The following NDRG4 variants were observed in gnomAD, a reference collection of about 807,000 sequenced individuals.
The protein encoded by NDRG4 is protein NDRG4.
NDRG4 carries 38 observed loss-of-function variants against 55.8 expected under a neutral mutation model. That is an observed-to-expected ratio of 0.68 (90% confidence interval 0.53 to 0.89). The LOEUF (loss-of-function observed/expected upper bound fraction) is 0.89. Ranked by LOEUF, NDRG4 falls within the 40% of genes least tolerant of loss-of-function variation. The pLI, the probability that NDRG4 is intolerant of heterozygous loss-of-function variation, is 0.00. For synonymous variants in NDRG4, 190 were observed against 182.7 expected (o/e 1.04, Z -0.32); for missense variants, 455 against 468.6 (o/e 0.97, Z 0.27).
At chr16:58,471,359 C>T (rs906682376) in intron 1 of NDRG4, among the ~76,000 whole-genome samples, 4 of 151,968 alleles carry the variant, frequency 2.6e-5, no homozygotes, top group Non-Finnish European at 5.9e-5. Context: ...AGATCACACT[C>T]AGGCCTCGGC....
At chr16:58,476,510 C>T (rs2033648105) in intron 1 of NDRG4, among the ~76,000 whole-genome samples, 1 of 135,536 alleles carries the variant, frequency 7.4e-6, no homozygotes, top group Non-Finnish European at 1.6e-5. Flanking sequence ...TATGTCCTTT[C>T]TAAGATGCAC....
At chr16:58,485,485 C>A (rs1001886563) in intron 1 of NDRG4, among the ~76,000 whole-genome samples, 1 of 152,086 alleles carries the variant, frequency 6.6e-6, no homozygotes, top group Admixed American at 6.5e-5. Flanking sequence ...TACAGGGATA[C>A]CCCAGGGCTA....
At chr16:58,510,512 C>T (rs930602930) in intron 13 of NDRG4, 133 bp from the exon 14 acceptor site, 2 of 753,082 alleles carry the variant, frequency 2.7e-6, no homozygotes, top group Non-Finnish European at 4.5e-6. Flanking sequence ...GCCCTGCCCC[C>T]AGCCTCTCTG....
chr16:58,469,841 TTTC>T (rs1180516494), intron 1 of NDRG4, among the ~76,000 whole-genome samples: 4 of 152,232 alleles, frequency 2.6e-5, no homozygotes, highest in African/African-American at 9.6e-5. Context: ...TGTGCTATCA[TTTC>T]TTCTTTTTTA....
rs763497105 is a variant in NDRG4, at chr16:58,512,855, G to A, written c.*1279G>A. ...AATCAATAATCACAAACCCCAAAAC[G>A]GGAGAGAGCAGTGAAAACATGCAGG... On this transcript the variant is annotated 3_prime_UTR_variant, in exon 15 of 15. Transcript: ENST00000570248. 6.5e-6 allele frequency: 1 copy of A among 152,776 alleles called. No homozygotes were observed. The highest frequency in any genetic ancestry group is 2.4e-5 in the African/African-American group (1 of 41,430). The allele number at this position is 152,776 out of a possible 1,614,324, so 9.5% of individuals were successfully genotyped here.
At chr16:58,490,980 A>ATAAATAAAGCCCCACCCC (rs2035716424) in intron 2 of NDRG4, among the ~76,000 whole-genome samples, 1 of 148,702 alleles carries the variant, frequency 6.7e-6, no homozygotes, top group Non-Finnish European at 1.5e-5. Flanking sequence ...CTGTCTCAAA[A>ATAAATAAAGCCCCACCCC]ACAAAATAAA....
intron 1 of NDRG4, among the ~76,000 whole-genome samples, chr16:58,480,949 C>T (rs2034307124): frequency 6.6e-6 from 1 of 150,954 alleles, no homozygotes. Context: ...GCGGAGGTTG[C>T]AATGAGCTGA....
intron 1 of NDRG4, chr16:58,500,562 G>A (rs1443450034): frequency 1.8e-5 from 10 of 555,792 alleles, no homozygotes; most frequent in Non-Finnish European, 3.2e-5. Context: ...GGAAGGCACT[G>A]TCTGACTTGG....
intron 1 of NDRG4, among the ~76,000 whole-genome samples, chr16:58,468,399 A>G (rs1448825042): frequency 6.6e-6 from 1 of 152,172 alleles, no homozygotes; most frequent in East Asian, 1.9e-4. Context: ...CCTCAGTCTT[A>G]TCAGTAAAAT....
intron 1 of NDRG4, among the ~76,000 whole-genome samples, chr16:58,466,430 T>G (rs928085537): frequency 3.9e-5 from 6 of 152,200 alleles, no homozygotes; most frequent in Admixed American, 6.5e-5. Flanking sequence ...GAGACATGTG[T>G]GGGGGGCTCA....
intron 1 of NDRG4, among the ~76,000 whole-genome samples, chr16:58,503,218 C>T (rs1283751710): frequency 2.6e-5 from 4 of 152,172 alleles, no homozygotes; most frequent in African/African-American, 9.6e-5. Context: ...TGACCCGGGC[C>T]TGCCTGAAGG....
At chr16:58,489,556 A>T (rs924637782) in intron 2 of NDRG4, among the ~76,000 whole-genome samples, 1 of 151,922 alleles carries the variant, frequency 6.6e-6, no homozygotes, top group Non-Finnish European at 1.5e-5. Flanking sequence ...CCCTGGGTCT[A>T]ATATTGAAAC....
At position 58,511,867 on chromosome 16, in the gene NDRG4, G is replaced by T; in HGVS notation, c.*291G>T. On this transcript the variant is annotated 3_prime_UTR_variant, in exon 15 of 15. Transcript: ENST00000570248. ...GGCAGGGCCATAGGGAGGGAGATTC[G>T]CTACGGATCCAGGCCATTCCTGGGT... 2.1e-6 allele frequency: 1 copy of T among 477,862 alleles called. No homozygotes were observed. The highest frequency in any genetic ancestry group is 1.9e-5 in the South Asian group (1 of 53,524). 29.6% of individuals were successfully genotyped at this position (477,862 alleles called of 1,614,324 possible).
Position 58,504,193 on chromosome 16 carries a change from T to G in NDRG4, c.167T>G (p.Met56Arg), listed in dbSNP as rs770357090. ...AACACCTTCTTCAACTTCGAGGACA[T>G]GCAGGAGATCACCAAGCACTTTGTG... ...CFNTFFNFED[M>R]QEITKHFVVC... Residue 56 changes from methionine (M) to arginine (R), a missense_variant, in exon 3 of 15, where the codon ATG becomes AGG. By Grantham distance (91) the Met-to-Arg change is moderately conservative. Transcript: ENST00000570248. The G allele has an allele frequency of 1.2e-6, 2 of 1,614,210 alleles. No individual in the cohort carries two copies. The highest frequency in any genetic ancestry group is 1.7e-6 in the Non-Finnish European group (2 of 1,180,030).
chr16:58,500,270 G>A lies in NDRG4; in HGVS notation c.21+1G>A. The stretch of plus-strand genomic sequence containing the variant: ...CAAGATGCCGGAGTGCTGGGATGGG[G>A]TGAGTGAGGGCGCTGCGGGCATCAA... On this transcript the variant is annotated splice_donor_variant, in intron 1 of 14. Coordinates refer to ENST00000570248, the MANE Select transcript of NDRG4 (RefSeq NM_001242835.2). LOFTEE classifies it high-confidence loss of function. 2 of 1,535,994 alleles carry A rather than the reference G, an allele frequency of 1.3e-6. No homozygotes were observed. The highest frequency in any genetic ancestry group is 8.7e-7 in the Non-Finnish European group (1 of 1,146,868).
Position 58,512,132 on chromosome 16 carries a change from G to C in NDRG4, c.*556G>C. 1 of 456,428 alleles carries C rather than the reference G, an allele frequency of 2.2e-6. No individual in the cohort carries two copies. The highest frequency in any genetic ancestry group is 4.4e-6 in the Non-Finnish European group (1 of 226,808). The allele number at this position is 456,428 out of a possible 1,614,324, so 28.3% of individuals were successfully genotyped here. On this transcript the variant is annotated 3_prime_UTR_variant, in exon 15 of 15. Coordinates refer to ENST00000570248, the MANE Select transcript of NDRG4 (RefSeq NM_001242835.2). ...TCCTGGTGCTCTCTGGGCCCAGCTG[G>C]TGCTGTAGGGCCACGCAGGCAGGGG...
At chr16:58,504,038 A>C in intron 2 of NDRG4, 116 bp from the exon 3 acceptor site, 1 of 1,577,284 alleles carries the variant, frequency 6.3e-7, no homozygotes, top group East Asian at 2.2e-5. Flanking sequence ...CCGGGCCTCC[A>C]TTTCCCCGAC....
intron 1 of NDRG4, chr16:58,487,627 G>C (rs1174910753): frequency 1.6e-6 from 1 of 641,490 alleles, no homozygotes; most frequent in African/African-American, 1.9e-5. Flanking sequence ...GCCTGAGTGG[G>C]CTGCGCTTGG....
At chr16:58,476,902 C>A (rs886450906) in intron 1 of NDRG4, among the ~76,000 whole-genome samples, 3 of 151,986 alleles carry the variant, frequency 2.0e-5, no homozygotes, top group African/African-American at 4.8e-5. Context: ...TACAAAAAAA[C>A]CCCTGAATGA....
Sources: allele counts gnomAD v4.1 joint callset (sites outside exome capture counted in the v4.1 genomes callset), GRCh38; gene constraint gnomAD v4.1.1; transcripts MANE v1.5; gene names NCBI Gene and HGNC (gene_info 2026-07-23, HGNC 2026-07-21).